GLRB: variants seen among roughly 807,000 people sequenced by gnomAD.
GLRB encodes glycine receptor beta.
Under a neutral mutation model 54.2 loss-of-function variants are expected in GLRB, and 33 were observed. The ratio of observed to expected loss-of-function variants is 0.61; its 90% CI spans 0.46 to 0.81. GLRB has a LOEUF of 0.81. Among genes scored for constraint, GLRB ranks in the 40% least tolerant of loss-of-function variants. GLRB has a pLI of 0.00. For missense variants in GLRB, 572 were observed against 584.6 expected (o/e 0.98, Z 0.22); for synonymous variants, 209 against 208.2 (o/e 1.00, Z -0.03).
At chr4:157,087,459 C>A (rs941715639) in intron 2 of GLRB, among the ~76,000 whole-genome samples, 3 of 152,008 alleles carry the variant, frequency 2.0e-5, no homozygotes, top group Admixed American at 6.5e-5. Context: ...TTTATGGCAG[C>A]CATATCTTTT....
At chr4:157,118,815 T>C (rs1252646422) in intron 2 of GLRB, among the ~76,000 whole-genome samples, 1 of 151,586 alleles carries the variant, frequency 6.6e-6, no homozygotes, top group Non-Finnish European at 1.5e-5. Flanking sequence ...TAAGTTTCCT[T>C]CATATAAATT....
intron 9 of GLRB, among the ~76,000 whole-genome samples, chr4:157,158,243 A>T (rs1359345646): frequency 6.6e-6 from 1 of 152,028 alleles, no homozygotes; most frequent in Non-Finnish European, 1.5e-5. Context: ...CCTTTGTCAG[A>T]TGGGTAGATT....
chr4:157,091,671 A>G (rs1398935185), intron 2 of GLRB, among the ~76,000 whole-genome samples: 8 of 152,190 alleles, frequency 5.3e-5, no homozygotes, highest in African/African-American at 1.9e-4. Flanking sequence ...CTATAGTGTC[A>G]ACGTGAGTGA....
intron 2 of GLRB, among the ~76,000 whole-genome samples, chr4:157,094,320 C>A (rs1020123279): frequency 6.6e-6 from 1 of 152,292 alleles, no homozygotes; most frequent in African/African-American, 2.4e-5. Context: ...TCTTTTGTAA[C>A]TGCTTCTTTT....
chr4:157,110,998 G>A (rs917233627), intron 2 of GLRB, among the ~76,000 whole-genome samples: 3 of 151,964 alleles, frequency 2.0e-5, no homozygotes, highest in Non-Finnish European at 4.4e-5. Context: ...TCTGGGCACT[G>A]GTGTTTTTTA....
chr4:157,078,343 T>A (rs1734111744), intron 2 of GLRB, 197 bp downstream of exon 2: 1 of 471,550 alleles, frequency 2.1e-6, no homozygotes, highest in Non-Finnish European at 2.8e-6. Context: ...CAAGGTGGTT[T>A]TATAGTTTTC....
chr4:157,120,507 G>A, intron 2 of GLRB, 49 bp from the exon 3 acceptor site: 1 of 954,472 alleles, frequency 1.0e-6, no homozygotes, highest in South Asian at 1.4e-5. Context: ...ACCCATTTCT[G>A]TTGTTTGCTA....
At chr4:157,155,257 T>C (rs1434870301) in intron 9 of GLRB, among the ~76,000 whole-genome samples, 1 of 152,026 alleles carries the variant, frequency 6.6e-6, no homozygotes, top group African/African-American at 2.4e-5. Context: ...GCCTCCCAAT[T>C]AGTTAGGACC....
intron 2 of GLRB, among the ~76,000 whole-genome samples, chr4:157,100,859 A>G (rs1308856875): frequency 2.0e-5 from 3 of 152,194 alleles, no homozygotes; most frequent in Non-Finnish European, 4.4e-5. Flanking sequence ...AATGAGAACT[A>G]GGAAATTTTT....
At chr4:157,135,606 G>A (rs1736369204) in intron 4 of GLRB, among the ~76,000 whole-genome samples, 1 of 151,982 alleles carries the variant, frequency 6.6e-6, no homozygotes, top group South Asian at 2.1e-4. Context: ...ATGACTGTGA[G>A]GCCTCCCATG....
At chr4:157,164,243 G>A (rs540744459) in intron 9 of GLRB, among the ~76,000 whole-genome samples, 1 of 151,970 alleles carries the variant, frequency 6.6e-6, no homozygotes, top group African/African-American at 2.4e-5. Flanking sequence ...GCATGACGAA[G>A]AACTGGTATT....
intron 2 of GLRB, among the ~76,000 whole-genome samples, chr4:157,089,915 T>C (rs1734549631): frequency 6.6e-6 from 1 of 152,320 alleles, no homozygotes; most frequent in Admixed American, 6.5e-5. Context: ...CTTCAAATCC[T>C]TCATGCCCTT....
At chr4:157,095,735 C>A (rs957499590) in intron 2 of GLRB, among the ~76,000 whole-genome samples, 1 of 152,148 alleles carries the variant, frequency 6.6e-6, no homozygotes, top group African/African-American at 2.4e-5. Context: ...TCTCTGTGGA[C>A]TGATATGAAC....
intron 4 of GLRB, among the ~76,000 whole-genome samples, chr4:157,135,225 T>A (rs1159040775): frequency 6.6e-6 from 1 of 152,086 alleles, no homozygotes; most frequent in Non-Finnish European, 1.5e-5. Context: ...ATACTGAACC[T>A]TAATATCAAA....
rs1735318955 is a variant in GLRB, at chr4:157,108,899, C to A, written c.123-11657C>A. Reference sequence around the variant, plus strand: ...AAATTGCCACAGCCACCCCAGCCTTCAGCAAGCACCACTTTGATCAGTCAG... The same window carrying A: ...AAATTGCCACAGCCACCCCAGCCTTAAGCAAGCACCACTTTGATCAGTCAG... On this transcript the variant is annotated intron_variant, in intron 2 of 9. Coordinates refer to ENST00000264428, the MANE Select transcript of GLRB (RefSeq NM_000824.5). 2.0e-5 allele frequency among the ~76,000 whole-genome samples: 3 copies of A among 152,074 alleles called. No homozygotes were observed. The South Asian group carries it at 6.2e-4, about 31-fold the overall frequency.
chr4:157,116,327 T>A (rs1190642678), intron 2 of GLRB, among the ~76,000 whole-genome samples: 1 of 151,846 alleles, frequency 6.6e-6, no homozygotes, highest in Non-Finnish European at 1.5e-5. Context: ...TTTTCTTAAA[T>A]TAATGTCATA....
At chr4:157,109,719 C>T (rs1382473690) in intron 2 of GLRB, among the ~76,000 whole-genome samples, 1 of 151,952 alleles carries the variant, frequency 6.6e-6, no homozygotes, top group African/African-American at 2.4e-5. Flanking sequence ...ATCTGGATTC[C>T]CCTGATCATG....
chr4:157,127,449 T>C (rs573077075), intron 4 of GLRB, among the ~76,000 whole-genome samples: 2 of 152,020 alleles, frequency 1.3e-5, no homozygotes, highest in East Asian at 3.9e-4. Flanking sequence ...GTTCATGTCA[T>C]AATCACCAGT....
At chr4:157,128,450 A>G (rs1228230790) in intron 4 of GLRB, among the ~76,000 whole-genome samples, 1 of 151,882 alleles carries the variant, frequency 6.6e-6, no homozygotes, top group Non-Finnish European at 1.5e-5. Context: ...TGGATATGAA[A>G]AAAATTAATG....
Sources: allele counts gnomAD v4.1 joint callset (sites outside exome capture counted in the v4.1 genomes callset), GRCh38; gene constraint gnomAD v4.1.1; transcripts MANE v1.5; gene names NCBI Gene and HGNC (gene_info 2026-07-23, HGNC 2026-07-21).